AGAP1: variants seen among roughly 807,000 people sequenced by gnomAD.
AGAP1 encodes the protein arf-GAP with GTPase, ANK repeat and PH domain-containing protein 1.
In AGAP1, 29 loss-of-function variants were observed where a neutral mutation model predicts 105.3. The observed-to-expected ratio is 0.28, with a 90% CI of 0.21 to 0.38. The LOEUF (loss-of-function observed/expected upper bound fraction) is 0.38. AGAP1 is among the 10% of genes least tolerant of loss of function. The pLI is 1.00. For synonymous variants in AGAP1, 509 were observed against 485.9 expected (o/e 1.05, Z -0.63); for missense variants, 998 against 1,165.1 (o/e 0.86, Z 2.09).
intron 12 of AGAP1, among the ~76,000 whole-genome samples, chr2:235,945,201 C>T (rs903925298): frequency 3.3e-5 from 5 of 152,106 alleles, no homozygotes; most frequent in South Asian, 2.1e-4. Context: ...CCCAGGTTCC[C>T]GCCATTCTCC....
chr2:235,923,200 C>A lies in AGAP1; in HGVS notation c.1325-7565C>A, dbSNP rs1005971398. Among the ~76,000 whole-genome samples the A allele has an allele frequency of 2.6e-5, 4 of 152,250 alleles. No homozygotes were observed. In the South Asian group the frequency reaches 6.2e-4, roughly 24 times the overall value. On this transcript the variant is annotated intron_variant, in intron 11 of 17. Transcript: ENST00000304032. The stretch of plus-strand genomic sequence containing the variant: ...TTTGGGGGACGATGCCGAAAAGGTC[C>A]TTTTATGACTGCCTTCCTGTGGAAG...
chr2:236,023,122 A>T (rs1419563264), intron 13 of AGAP1, among the ~76,000 whole-genome samples: 1 of 152,220 alleles, frequency 6.6e-6, no homozygotes, highest in Non-Finnish European at 1.5e-5. Flanking sequence ...GAGAAAGACC[A>T]CAAGGTAGCG....
chr2:235,934,087 G>A lies in AGAP1; in HGVS notation c.1483+3164G>A, dbSNP rs989925252. On this transcript the variant is annotated intron_variant, in intron 12 of 17. Transcript: ENST00000304032. The surrounding 1 kb of genome is among the most constrained non-coding windows in gnomAD (Gnocchi z 4.9). ...TGGCCCGATTCAGCTCTCCATCACT[G>A]CATGTCAAGGTGTGCCTCCAGGAGC... Among the ~76,000 whole-genome samples the A allele has an allele frequency of 4.6e-5, 7 of 152,158 alleles. No homozygotes were observed. The highest frequency in any genetic ancestry group is 8.8e-5 in the Non-Finnish European group (6 of 68,036).
At chr2:235,604,636 G>A (rs566445667) in intron 1 of AGAP1, among the ~76,000 whole-genome samples, 6 of 124,766 alleles carry the variant, frequency 4.8e-5, no homozygotes, top group South Asian at 5.3e-4. Flanking sequence ...AGGCTGGAGT[G>A]CAGTGGCACG....
At chr2:235,950,010 A>C (rs957053322) in intron 12 of AGAP1, among the ~76,000 whole-genome samples, 2 of 152,164 alleles carry the variant, frequency 1.3e-5, no homozygotes, top group Non-Finnish European at 2.9e-5. Flanking sequence ...AAGACACCAA[A>C]AATAGCAATG....
At chr2:235,703,485 C>T (rs1424978121) in intron 1 of AGAP1, among the ~76,000 whole-genome samples, 4 of 152,132 alleles carry the variant, frequency 2.6e-5, no homozygotes, top group Non-Finnish European at 5.9e-5. Flanking sequence ...CATCCTGCCA[C>T]CTCCTTGGCA....
At chr2:235,770,902 A>G (rs1441868418) in intron 6 of AGAP1, among the ~76,000 whole-genome samples, 1 of 152,230 alleles carries the variant, frequency 6.6e-6, no homozygotes, top group African/African-American at 2.4e-5. Context: ...TGTCCAAAAT[A>G]TAAAGGGTCT....
At chr2:235,563,527 A>G (rs1574853846) in intron 1 of AGAP1, among the ~76,000 whole-genome samples, 1 of 140,448 alleles carries the variant, frequency 7.1e-6, no homozygotes, top group Non-Finnish European at 1.5e-5. Context: ...ACACTGGGCT[A>G]TTTTTACAGT....
At chr2:235,805,957 C>A (rs1240079878) in intron 8 of AGAP1, among the ~76,000 whole-genome samples, 1 of 152,118 alleles carries the variant, frequency 6.6e-6, no homozygotes, top group Non-Finnish European at 1.5e-5. Flanking sequence ...GCACAGCTGC[C>A]CAGGAGAGTA....
Position 235,586,984 on chromosome 2 carries a change from C to T in AGAP1, c.163+92135C>T, listed in dbSNP as rs1418594898. ...GTGGCAGTTTTGAGTCCCATGAAAACAAACACATTTACTCTGTCTAGCTCC... is the reference window on the plus strand; with the variant it reads ...GTGGCAGTTTTGAGTCCCATGAAAATAAACACATTTACTCTGTCTAGCTCC... On this transcript the variant is annotated intron_variant, in intron 1 of 17. Coordinates refer to ENST00000304032, the MANE Select transcript of AGAP1 (RefSeq NM_001037131.3). The surrounding 1 kb of genome is among the most constrained non-coding windows in gnomAD (Gnocchi z 4.2). Among the ~76,000 whole-genome samples, 2 of 152,212 alleles carry T rather than the reference C, an allele frequency of 1.3e-5. No homozygotes were observed.
At chr2:236,070,736 C>T (rs890814071) in intron 16 of AGAP1, among the ~76,000 whole-genome samples, 7 of 152,068 alleles carry the variant, frequency 4.6e-5, no homozygotes, top group African/African-American at 7.2e-5. Context: ...CCAATCCATA[C>T]GGACAGAAAG....
At chr2:235,772,082 G>A (rs561002469) in intron 6 of AGAP1, among the ~76,000 whole-genome samples, 68 of 145,336 alleles carry the variant, frequency 4.7e-4, no homozygotes, top group Non-Finnish European at 7.7e-4. Flanking sequence ...TGCAACCTCC[G>A]CCTCCGAGTT....
At chr2:236,016,196 A>G (rs776496606) in intron 13 of AGAP1, among the ~76,000 whole-genome samples, 8 of 152,296 alleles carry the variant, frequency 5.3e-5, no homozygotes, top group Non-Finnish European at 1.0e-4. Context: ...CTTCTTTCAA[A>G]GCACTCAAGA....
rs1951295786 is a variant in AGAP1 at position 235,719,903 on chromosome 2, C to T, written c.310+2259C>T. Among the ~76,000 whole-genome samples, 1 of 152,202 alleles carries T rather than the reference C, an allele frequency of 6.6e-6. No homozygotes were observed. The highest frequency in any genetic ancestry group is 1.9e-4 in the East Asian group (1 of 5,188). On this transcript the variant is annotated intron_variant, in intron 3 of 17. Coordinates refer to ENST00000304032, the MANE Select transcript of AGAP1 (RefSeq NM_001037131.3). The surrounding 1 kb of genome is among the most constrained non-coding windows in gnomAD (Gnocchi z 4.9). ...TGAAAGAATTATGAATACATGGCTC[C>T]TTGTGCCTGGAAGCTTCTTAGTCCT...
chr2:236,112,106 A>G (rs532212100), intron 16 of AGAP1, among the ~76,000 whole-genome samples: 1 of 152,126 alleles, frequency 6.6e-6, no homozygotes, highest in African/African-American at 2.4e-5. Context: ...GGTCCTTGCC[A>G]CAGAGATTGA....
Position 236,121,579 on chromosome 2 carries a change from A to G in AGAP1, c.2370+1132A>G, listed in dbSNP as rs2059900502. 1.3e-5 allele frequency among the ~76,000 whole-genome samples: 2 copies of G among 151,992 alleles called. No individual in the cohort carries two copies. The highest frequency in any genetic ancestry group is 2.4e-5 in the African/African-American group (1 of 41,384). ...CTCCCAAAGTGCTGGGAGTACAGGC[A>G]TGACCCACCACGCCCAGCCTTGATC... On this transcript the variant is annotated intron_variant, in intron 17 of 17. Transcript: ENST00000304032. This position sits in a 1 kb window ranked among gnomAD's most constrained non-coding sequence, Gnocchi z 4.9.
chr2:236,020,344 T>C lies in AGAP1; in HGVS notation c.1646-16217T>C, dbSNP rs913736486. ...TTGTTTATGTAGCCAGGAACAGAGATTTGAAAAGACGTGTTGCCCATGAAG... is the reference window on the plus strand; with the variant it reads ...TTGTTTATGTAGCCAGGAACAGAGACTTGAAAAGACGTGTTGCCCATGAAG... On this transcript the variant is annotated intron_variant, in intron 13 of 17. Coordinates refer to ENST00000304032, the MANE Select transcript of AGAP1 (RefSeq NM_001037131.3). This position sits in a 1 kb window ranked among gnomAD's most constrained non-coding sequence, Gnocchi z 5.0. 6.6e-6 allele frequency among the ~76,000 whole-genome samples: 1 copy of C among 152,172 alleles called. No individual in the cohort carries two copies. Among genetic ancestry groups the C allele is most frequent in the Admixed American group, 6.5e-5 (1 of 15,280 alleles).
chr2:235,515,944 G>T (rs1167250155), intron 1 of AGAP1, among the ~76,000 whole-genome samples: 1 of 152,170 alleles, frequency 6.6e-6, no homozygotes, highest in African/African-American at 2.4e-5. Flanking sequence ...GCGGGGAGAA[G>T]TTGGTTGCTG....
intron 9 of AGAP1, among the ~76,000 whole-genome samples, chr2:235,833,244 A>G (rs908443): frequency 0.74 from 112,527 of 152,174 alleles, 41,984 homozygotes; most frequent in East Asian, 0.99. Context: ...CAGGGCCACG[A>G]CAGAGGCTGG....
Sources: gnomAD v4.1 joint callset for allele counts (sites outside exome capture counted in the v4.1 genomes callset) on GRCh38, gnomAD v4.1.1 for gene constraint, Gnocchi (gnomAD v3.1) non-coding constraint, MANE v1.5 for transcripts, NCBI Gene and HGNC (gene_info 2026-07-23, HGNC 2026-07-21) for gene names.